The following SGCZ variants were observed in gnomAD, a reference collection of about 807,000 sequenced individuals.
The protein encoded by SGCZ is sarcoglycan zeta.
A neutral mutation model predicts 41.3 loss-of-function variants in SGCZ; 40 were observed. That is an observed-to-expected ratio of 0.97 (90% CI 0.75 to 1.26). SGCZ has a LOEUF of 1.26. SGCZ is among the 50% of genes most tolerant of loss of function. SGCZ has a pLI of 0.00. For synonymous variants in SGCZ, 206 were observed against 137.5 expected, an observed-to-expected ratio of 1.50 and a Z score of -3.49; for missense variants, 552 against 369.8, an observed-to-expected ratio of 1.49 and a Z score of -4.04.
intron 2 of SGCZ, among the ~76,000 whole-genome samples, chr8:14,460,626 A>G (rs1440932410): frequency 2.0e-5 from 3 of 152,144 alleles, no homozygotes; most frequent in Admixed American, 6.6e-5. Context: ...GTAATCACCA[A>G]CTGAGAAATA....
intron 2 of SGCZ, chr8:14,332,528 A>T (rs1802370532): frequency 6.6e-6 from 1 of 152,112 alleles, no homozygotes; most frequent in Admixed American, 6.6e-5. Context: ...ATGGAGTAAA[A>T]ACGGACGCAC....
At chr8:14,395,325 C>T (rs886529442) in intron 2 of SGCZ, among the ~76,000 whole-genome samples, 3 of 152,056 alleles carry the variant, frequency 2.0e-5, no homozygotes, top group African/African-American at 4.8e-5. Context: ...GAGTAGGATT[C>T]TGAAACAGAA....
chr8:14,957,692 C>G (rs1800835621), intron 1 of SGCZ, among the ~76,000 whole-genome samples: 1 of 151,928 alleles, frequency 6.6e-6, no homozygotes, highest in Non-Finnish European at 1.5e-5. Context: ...TTTAATCCCT[C>G]TATTTTTACG....
intron 1 of SGCZ, among the ~76,000 whole-genome samples, chr8:14,659,510 A>T (rs1385568131): frequency 6.6e-6 from 1 of 152,214 alleles, no homozygotes; most frequent in Non-Finnish European, 1.5e-5. Context: ...AAGGACCAGA[A>T]CAATTACATA....
At chr8:14,472,817 A>G (rs1175250993) in intron 2 of SGCZ, among the ~76,000 whole-genome samples, 5 of 152,158 alleles carry the variant, frequency 3.3e-5, no homozygotes, top group African/African-American at 1.2e-4. Flanking sequence ...ACTCTTTATA[A>G]AAATGTTTAG....
At chr8:15,211,182 A>G (rs776726687) in intron 1 of SGCZ, among the ~76,000 whole-genome samples, 31 of 151,910 alleles carry the variant, frequency 2.0e-4, no homozygotes, top group Admixed American at 1.3e-4. Context: ...AAAGAATTCC[A>G]GAACCTACAG....
chr8:14,208,087 C>T (rs1053015441), intron 4 of SGCZ, among the ~76,000 whole-genome samples: 2 of 152,100 alleles, frequency 1.3e-5, no homozygotes, highest in Non-Finnish European at 2.9e-5. Context: ...GGTTTAAATG[C>T]CTATACTCAA....
At chr8:14,233,471 T>A (rs1806644022) in intron 4 of SGCZ, among the ~76,000 whole-genome samples, 1 of 150,922 alleles carries the variant, frequency 6.6e-6, no homozygotes, top group Admixed American at 6.6e-5. Context: ...GGAAACAGTA[T>A]TACATTTTCA....
At chr8:15,210,893 C>A (rs1388390156) in intron 1 of SGCZ, among the ~76,000 whole-genome samples, 1 of 152,014 alleles carries the variant, frequency 6.6e-6, no homozygotes, top group Non-Finnish European at 1.5e-5. Flanking sequence ...ACCCCACATC[C>A]AGCATTTCAA....
At chr8:14,307,172 G>C (rs971974022) in intron 3 of SGCZ, among the ~76,000 whole-genome samples, 1 of 152,076 alleles carries the variant, frequency 6.6e-6, no homozygotes, top group Non-Finnish European at 1.5e-5. Context: ...TCAGACACAT[G>C]AAAAAATAGG....
intron 5 of SGCZ, among the ~76,000 whole-genome samples, chr8:14,160,922 T>C (rs1031871012): frequency 1.3e-5 from 2 of 152,240 alleles, no homozygotes; most frequent in African/African-American, 4.8e-5. Context: ...GACAAGTTCC[T>C]TTATAAAATG....
intron 3 of SGCZ, among the ~76,000 whole-genome samples, chr8:14,270,668 C>G (rs115897802): frequency 0.023 from 3,442 of 152,126 alleles, 50 homozygotes; most frequent in Middle Eastern, 0.054. Context: ...GTATGCAATA[C>G]CACACTTTCA....
At chr8:14,900,775 G>C (rs185857606) in intron 1 of SGCZ, among the ~76,000 whole-genome samples, 18 of 152,200 alleles carry the variant, frequency 1.2e-4, no homozygotes, top group Admixed American at 6.5e-4. Context: ...GAATATCTTT[G>C]ACTATTATCT....
intron 1 of SGCZ, among the ~76,000 whole-genome samples, chr8:14,672,655 G>A (rs944990928): frequency 2.0e-5 from 3 of 152,212 alleles, no homozygotes; most frequent in African/African-American, 7.2e-5. Context: ...GGAGGAAACA[G>A]TGTTTGAATG....
At chr8:14,308,851 T>C (rs890760209) in intron 3 of SGCZ, among the ~76,000 whole-genome samples, 1 of 152,120 alleles carries the variant, frequency 6.6e-6, no homozygotes, top group African/African-American at 2.4e-5. Context: ...TGGGAAAGAA[T>C]GAAGCCCTTT....
chr8:15,074,668 G>T (rs1563486947), intron 1 of SGCZ, among the ~76,000 whole-genome samples: 1 of 152,034 alleles, frequency 6.6e-6, no homozygotes, highest in Non-Finnish European at 1.5e-5. Flanking sequence ...CAGTCATAGA[G>T]AAATGCTCAC....
chr8:14,625,848 T>C (rs774678108), intron 1 of SGCZ, among the ~76,000 whole-genome samples: 1 of 152,152 alleles, frequency 6.6e-6, no homozygotes, highest in Non-Finnish European at 1.5e-5. Flanking sequence ...TCAGATGACA[T>C]TAAAAGCAGC....
intron 1 of SGCZ, among the ~76,000 whole-genome samples, chr8:14,565,669 T>C (rs1172576821): frequency 6.6e-6 from 1 of 151,966 alleles, no homozygotes; most frequent in Non-Finnish European, 1.5e-5. Context: ...CCCACACTAC[T>C]TCAAACAGTA....
chr8:14,994,585 CAAA>C (rs72144514), intron 1 of SGCZ, among the ~76,000 whole-genome samples: 35 of 127,692 alleles, frequency 2.7e-4, no homozygotes, highest in African/African-American at 8.9e-4. Flanking sequence ...ACTGTGCATC[CAAA>C]AAAAAAAAAA....
Sources: allele counts gnomAD v4.1 joint callset (sites outside exome capture counted in the v4.1 genomes callset), GRCh38; gene constraint gnomAD v4.1.1; transcripts MANE v1.5; gene names NCBI Gene and HGNC (gene_info 2026-07-23, HGNC 2026-07-21).